The following GON4L variants were observed in gnomAD, a reference collection of about 807,000 sequenced individuals.
GON4L encodes the protein gon-4 like, also known as GON-4-like protein.
GON4L carries 87 observed loss-of-function variants against 211.8 expected under a neutral mutation model. The observed-to-expected ratio is 0.41, with a 90% confidence interval of 0.35 to 0.49. GON4L has a LOEUF of 0.49. Among genes scored for constraint, GON4L ranks in the 20% least tolerant of loss-of-function variants. The pLI is 0.15. For synonymous variants in GON4L, 875 were observed against 962.6 expected, an observed-to-expected ratio of 0.91 and a Z score of 1.68; for missense variants, 2,155 against 2,659.5, an observed-to-expected ratio of 0.81 and a Z score of 4.17.
chr1:155,772,915 T>C lies in GON4L; in HGVS notation c.2495+151A>G, dbSNP rs1448963979. 7.1e-6 allele frequency: 7 copies of C among 984,430 alleles called. No individual in the cohort carries two copies. In the African/African-American group the frequency reaches 9.6e-5, roughly 13 times the overall value. 61.0% of individuals were successfully genotyped at this position (984,430 alleles called of 1,614,324 possible). A position where few individuals can be genotyped will look rare whatever the true frequency, so the allele number is the denominator to read the frequency against. Reference sequence around the variant, plus strand: ...TGGCACTGCTAGAACAAGCACGTCCTAGAGGGCTCTGCTCATCTATATTGC... The same window carrying C: ...TGGCACTGCTAGAACAAGCACGTCCCAGAGGGCTCTGCTCATCTATATTGC... On this transcript the variant is annotated intron_variant, in intron 18 of 31. Transcript: ENST00000368331.
At chr1:155,815,730 A>G in intron 8 of GON4L, 75 bp downstream of exon 8, 3 of 856,804 alleles carry the variant, frequency 3.5e-6, no homozygotes, top group East Asian at 2.4e-5. Flanking sequence ...AATCCTCTCT[A>G]CAAGTGACAT....
intron 14 of GON4L, among the ~76,000 whole-genome samples, chr1:155,779,873 C>T (rs1374447043): frequency 2.6e-5 from 4 of 152,106 alleles, no homozygotes; most frequent in South Asian, 2.1e-4. Flanking sequence ...TCTCGGCTCA[C>T]TGCAACCTCT....
intron 12 of GON4L, among the ~76,000 whole-genome samples, chr1:155,786,751 T>G (rs1191317098): frequency 6.6e-6 from 1 of 152,118 alleles, no homozygotes; most frequent in Admixed American, 6.6e-5. Flanking sequence ...CATATACGGA[T>G]AAATTTAAAG....
chr1:155,851,430 T>C (rs1671783718), intron 2 of GON4L, among the ~76,000 whole-genome samples: 1 of 131,708 alleles, frequency 7.6e-6, no homozygotes, highest in Non-Finnish European at 1.7e-5. Flanking sequence ...ACCTTCACAA[T>C]CTAGGCCGGG....
At position 155,751,796 on chromosome 1, in the gene GON4L, G is replaced by C; in HGVS notation, c.6547C>G (p.Gln2183Glu). 6.2e-7 allele frequency: 1 copy of C among 1,613,694 alleles called. No homozygotes were observed. Among genetic ancestry groups the C allele is most frequent in the Non-Finnish European group, 8.5e-7 (1 of 1,179,666 alleles). ...AQPQTFNIISQQLGNKTPAEV... is the reference protein window; with the variant it reads ...AQPQTFNIISEQLGNKTPAEV... Reference sequence around the variant, plus strand: ...GCAGGGGTCTTATTTCCCAGCTGCTGGGAGATGATGTTGAAGGTCTGTGGC... The same window carrying C: ...GCAGGGGTCTTATTTCCCAGCTGCTCGGAGATGATGTTGAAGGTCTGTGGC... Residue 2183 changes from glutamine (Q) to glutamate (E), a missense_variant, in exon 31 of 32, where the codon CAG (glutamine) becomes GAG (glutamate). By Grantham distance (29) the Gln-to-Glu change is conservative. This residue lies in a region of GON4L where 186 missense variants were observed against 308.1 expected (regional missense o/e 0.60). Coordinates refer to ENST00000368331, the MANE Select transcript of GON4L (RefSeq NM_001282860.2).
intron 12 of GON4L, among the ~76,000 whole-genome samples, chr1:155,788,348 G>C (rs1665167573): frequency 6.6e-6 from 1 of 152,172 alleles, no homozygotes; most frequent in African/African-American, 2.4e-5. Context: ...CCAGAACTCT[G>C]ATAAGAATGT....
intron 19 of GON4L, among the ~76,000 whole-genome samples, chr1:155,769,302 T>A (rs1359992296): frequency 6.6e-6 from 1 of 151,396 alleles, no homozygotes; most frequent in Non-Finnish European, 1.5e-5. Context: ...TAGAAAAAAA[T>A]TAAAATAAAA....
downstream of GON4L, chr1:155,749,339 A>G (rs1318451812): frequency 6.2e-7 from 1 of 1,610,470 alleles, no homozygotes; most frequent in African/African-American, 1.3e-5. Flanking sequence ...AGCTCACCCC[A>G]GGGACACCTC....
At chr1:155,849,329 C>T (rs1255750246) in intron 2 of GON4L, among the ~76,000 whole-genome samples, 6 of 151,694 alleles carry the variant, frequency 4.0e-5, no homozygotes, top group South Asian at 2.1e-4. Context: ...CAGATCACGA[C>T]GTTAGGAGAT....
chr1:155,797,672 C>G (rs536716518), intron 11 of GON4L, among the ~76,000 whole-genome samples: 70 of 149,530 alleles, frequency 4.7e-4, no homozygotes, highest in Admixed American at 9.4e-4. Context: ...GGTGAGACCC[C>G]CCCCCTCCCG....
In GON4L at chr1:155,759,696, A is replaced by G. The variant is rs559456410; in HGVS notation, c.5109+748T>C. 3.3e-5 allele frequency among the ~76,000 whole-genome samples: 5 copies of G among 152,036 alleles called. No homozygotes were observed. In the South Asian group the frequency reaches 8.3e-4, roughly 25 times the overall value. ...TACCCCACTGTCATTTAACCCCAATAAAACTCTTAGAATAATCCCGTTCCT... is the reference window on the plus strand; with the variant it reads ...TACCCCACTGTCATTTAACCCCAATGAAACTCTTAGAATAATCCCGTTCCT... On this transcript the variant is annotated intron_variant, in intron 24 of 31. Coordinates refer to ENST00000368331, the MANE Select transcript of GON4L (RefSeq NM_001282860.2).
chr1:155,808,892 A>G (rs892264195), intron 10 of GON4L, among the ~76,000 whole-genome samples: 1 of 152,002 alleles, frequency 6.6e-6, no homozygotes, highest in African/African-American at 2.4e-5. Context: ...GATTATGGAC[A>G]TAAGCCACCA....
In GON4L at chr1:155,773,259, G is replaced by C. The variant is rs766257485; in HGVS notation, c.2351-49C>G. The C allele has an allele frequency of 2.5e-6, 4 of 1,607,948 alleles. No individual in the cohort carries two copies. The South Asian group carries it at 3.3e-5, about 13-fold the overall frequency. On this transcript the variant is annotated intron_variant, in intron 17 of 31. Coordinates refer to ENST00000368331, the MANE Select transcript of GON4L (RefSeq NM_001282860.2). ...AAATCAACTTCTAGGACAAAAGAGGGCTTCATAAAAGCCTGTGAATGCATT... is the reference window on the plus strand; with the variant it reads ...AAATCAACTTCTAGGACAAAAGAGGCCTTCATAAAAGCCTGTGAATGCATT...
rs1386032975 is a variant in GON4L, at chr1:155,754,448, G to A, written c.5558C>T (p.Ser1853Phe). The change falls in exon 28 of 32, where the codon TCC becomes TTC. Residue 1853 changes from serine to phenylalanine, a missense_variant. Coordinates refer to ENST00000368331, the MANE Select transcript of GON4L (RefSeq NM_001282860.2). ...GGAATCTGGACCTCCTTCATGGCAG[G>A]AGCAGGCACAGTCCTTGGCCCCATC... ...WPDGAKDCACSCHEGGPDSKL... is the reference protein window; with the variant it reads ...WPDGAKDCACFCHEGGPDSKL... 5 of 1,613,122 alleles carry A rather than the reference G, an allele frequency of 3.1e-6. No homozygotes were observed. The highest frequency in any genetic ancestry group is 1.3e-5 in the African/African-American group (1 of 74,844).
chr1:155,773,471 TAAAA>T (rs1169982456), intron 17 of GON4L: 3 of 481,594 alleles, frequency 6.2e-6, no homozygotes, highest in Admixed American at 7.2e-5. Context: ...AACAAACACT[TAAAA>T]AGCACCTAGT....
intron 11 of GON4L, among the ~76,000 whole-genome samples, chr1:155,802,312 T>TGGG (rs112512680): frequency 0.041 from 5,548 of 136,376 alleles, 120 homozygotes; most frequent in Non-Finnish European, 0.057. Context: ...ACATTTTCCT[T>TGGG]GGGGGGGGGG....
At chr1:155,753,858 TTCC>T (rs1426355894) in intron 28 of GON4L, among the ~76,000 whole-genome samples, 2 of 151,972 alleles carry the variant, frequency 1.3e-5, no homozygotes, top group African/African-American at 4.8e-5. Flanking sequence ...TGCCCAGCTA[TTCC>T]TCCAAGGATT....
intron 2 of GON4L, among the ~76,000 whole-genome samples, chr1:155,837,871 T>G (rs1378145338): frequency 1.3e-5 from 2 of 152,252 alleles, no homozygotes; most frequent in Admixed American, 6.5e-5. Flanking sequence ...TGAACAGGTT[T>G]CAAAATTGTC....
rs570689425 is a variant in GON4L at position 155,763,723 on chromosome 1, C to G, written c.4474-159G>C. Among the ~76,000 whole-genome samples, 14 of 152,342 alleles carry G rather than the reference C, an allele frequency of 9.2e-5. No homozygotes were observed. The South Asian group carries it at 2.9e-3, about 32-fold the overall frequency. On this transcript the variant is annotated intron_variant, in intron 21 of 31. Transcript: ENST00000368331. ...TGAGTTATGAAATCCCAGCAATGGG[C>G]CAGGTACAGTGGCTCACGCCTGTAA...
Sources: allele counts gnomAD v4.1 joint callset (sites outside exome capture counted in the v4.1 genomes callset), GRCh38; gene constraint gnomAD v4.1.1; regional missense constraint gnomAD v4.1.1; transcripts MANE v1.5; gene names NCBI Gene and HGNC (gene_info 2026-07-23, HGNC 2026-07-21).